Variants in CCDC201 observed in about 807,000 individuals in gnomAD.
CCDC201 encodes coiled-coil domain containing 201, also known as coiled-coil domain-containing protein 201.
chr7:45,867,801 G>A (rs548649164), intron 1 of CCDC201, among the ~76,000 whole-genome samples: 2 of 152,198 alleles, frequency 1.3e-5, no homozygotes, highest in Non-Finnish European at 2.9e-5. Context: ...CTAAATTATT[G>A]TATGCATTTG....
upstream of CCDC201, among the ~76,000 whole-genome samples, chr7:45,877,981 A>G (rs1786834365): frequency 6.6e-6 from 1 of 152,218 alleles, no homozygotes; most frequent in South Asian, 2.1e-4. Context: ...CAATGGGGGT[A>G]CAGGCATTGG....
chr7:45,873,376 G>A (rs1786763228), upstream of CCDC201, among the ~76,000 whole-genome samples: 1 of 93,682 alleles, frequency 1.1e-5, no homozygotes, highest in African/African-American at 4.6e-5. Flanking sequence ...CAATCCACAA[G>A]GCAACTGGAA....
upstream of CCDC201, among the ~76,000 whole-genome samples, chr7:45,876,976 C>T (rs1338423277): frequency 6.6e-6 from 1 of 152,210 alleles, no homozygotes; most frequent in African/African-American, 2.4e-5. Context: ...TGTTGAAACC[C>T]CATTAGGGTT....
chr7:45,861,067 AT>A (rs1201132579), exon 3 of CCDC201: 2 of 152,124 alleles, frequency 1.3e-5, no homozygotes, highest in Non-Finnish European at 1.5e-5. Flanking sequence ...CACTCACATT[AT>A]TTTTCTTCCT....
intron 1 of CCDC201, among the ~76,000 whole-genome samples, chr7:45,870,751 C>A (rs1213386121): frequency 6.6e-6 from 1 of 152,068 alleles, no homozygotes; most frequent in Non-Finnish European, 1.5e-5. Context: ...TAAGCCCATG[C>A]TAGATCACGG....
intron 1 of CCDC201, among the ~76,000 whole-genome samples, chr7:45,870,086 G>A (rs1217975344): frequency 6.6e-6 from 1 of 152,156 alleles, no homozygotes; most frequent in Non-Finnish European, 1.5e-5. Context: ...CAAAGTGCTA[G>A]GATTATAGGC....
chr7:45,883,545 C>T, the CCDC201 span, among the ~76,000 whole-genome samples: 11 of 152,116 alleles, frequency 7.2e-5, no homozygotes, highest in Admixed American at 5.2e-4. Flanking sequence ...GAGTCGATGA[C>T]GACTCCCAAA....
chr7:45,861,471 T>C (rs1314267997), exon 3 of CCDC201: 2 of 152,192 alleles, frequency 1.3e-5, no homozygotes, highest in African/African-American at 4.8e-5. Context: ...ATATAGAACA[T>C]CCAATGAAAT....
chr7:45,882,743 T>C, the CCDC201 span, among the ~76,000 whole-genome samples: 1 of 152,242 alleles, frequency 6.6e-6, no homozygotes, highest in African/African-American at 2.4e-5. Flanking sequence ...GGTTTCCTTT[T>C]CTTTGCAGCA....
At chr7:45,874,424 C>G (rs935072958), upstream of CCDC201, among the ~76,000 whole-genome samples, 7 of 152,232 alleles carry the variant, frequency 4.6e-5, no homozygotes, top group Non-Finnish European at 7.3e-5. Context: ...GTCACTGGCT[C>G]TCTCCTTTCT....
At chr7:45,867,779 G>A (rs1012503646) in intron 1 of CCDC201, among the ~76,000 whole-genome samples, 2 of 152,216 alleles carry the variant, frequency 1.3e-5, no homozygotes, top group African/African-American at 2.4e-5. Flanking sequence ...GTTCAAGGAC[G>A]TCACCACTTT....
upstream of CCDC201, among the ~76,000 whole-genome samples, chr7:45,875,073 T>G (rs1191063826): frequency 6.6e-6 from 1 of 152,188 alleles, no homozygotes; most frequent in Non-Finnish European, 1.5e-5. Flanking sequence ...AGCCAGTATG[T>G]GAGTATGAAC....
the CCDC201 span, among the ~76,000 whole-genome samples, chr7:45,882,749 C>T: frequency 1.4e-4 from 21 of 152,218 alleles, no homozygotes; most frequent in Admixed American, 9.8e-4. Context: ...CTTTTCTTTG[C>T]AGCACAGAGA....
the CCDC201 span, among the ~76,000 whole-genome samples, chr7:45,878,976 G>A: frequency 0.011 from 1,691 of 152,300 alleles, 14 homozygotes; most frequent in Non-Finnish European, 0.018. Flanking sequence ...GAAGCAGCCA[G>A]GTCATGTCTT....
chr7:45,865,138 A>G (rs1786654731), intron 2 of CCDC201, among the ~76,000 whole-genome samples: 1 of 152,200 alleles, frequency 6.6e-6, no homozygotes, highest in African/African-American at 2.4e-5. Context: ...AAGCTACTAG[A>G]ACAAGGCCAG....
At chr7:45,875,777 C>T (rs1056483609), upstream of CCDC201, among the ~76,000 whole-genome samples, 1 of 108,246 alleles carries the variant, frequency 9.2e-6, no homozygotes, top group Non-Finnish European at 2.0e-5. Context: ...CTTCCCTGCA[C>T]TATGTGCCAC....
the CCDC201 span, among the ~76,000 whole-genome samples, chr7:45,881,515 A>T: frequency 6.6e-6 from 1 of 152,198 alleles, no homozygotes; most frequent in South Asian, 2.1e-4. Context: ...GGGCCTGGGG[A>T]TGGGCCTTTC....
chr7:45,869,006 T>A (rs2116522096), intron 1 of CCDC201, among the ~76,000 whole-genome samples: 1 of 152,368 alleles, frequency 6.6e-6, no homozygotes, highest in South Asian at 2.1e-4. Context: ...AACTTAGGTA[T>A]CTGCATAAAT....
chr7:45,872,727 C>T (rs1786755775), intron 1 of CCDC201, among the ~76,000 whole-genome samples: 1 of 152,174 alleles, frequency 6.6e-6, no homozygotes. Flanking sequence ...ATCTCTCCTG[C>T]AGGCCATGTC....
Sources: allele counts gnomAD v4.1 joint callset (sites outside exome capture counted in the v4.1 genomes callset), GRCh38; gene constraint gnomAD v4.1.1; transcripts MANE v1.5; gene names NCBI Gene and HGNC (gene_info 2026-07-23, HGNC 2026-07-21).